The following ASAP1 variants were observed in gnomAD, a reference collection of about 807,000 sequenced individuals.
The protein encoded by ASAP1 is ArfGAP with SH3 domain, ankyrin repeat and PH domain 1, also known as arf-GAP with SH3 domain, ANK repeat and PH domain-containing protein 1.
A neutral mutation model predicts 145.2 loss-of-function variants in ASAP1; 43 were observed. The ratio of observed to expected loss-of-function variants is 0.30; its 90% CI spans 0.23 to 0.38. The LOEUF (loss-of-function observed/expected upper bound fraction) is 0.38. Among genes scored for constraint, ASAP1 ranks in the 10% least tolerant of loss-of-function variants. The pLI, the probability that ASAP1 is intolerant of heterozygous loss-of-function variation, is 1.00. For synonymous variants in ASAP1, 546 were observed against 515.5 expected, an observed-to-expected ratio of 1.06 and a Z score of -0.80; for missense variants, 1,018 against 1,355.3, an observed-to-expected ratio of 0.75 and a Z score of 3.91.
chr8:130,326,254 C>T (rs761343379), intron 3 of ASAP1, among the ~76,000 whole-genome samples: 18 of 152,182 alleles, frequency 1.2e-4, no homozygotes, highest in African/African-American at 2.7e-4. Flanking sequence ...AGCATGCTCA[C>T]GTACAAAAGA....
intron 1 of ASAP1, among the ~76,000 whole-genome samples, chr8:130,426,425 A>AG (rs747872405): frequency 6.6e-6 from 1 of 151,496 alleles, no homozygotes; most frequent in Non-Finnish European, 1.5e-5. Flanking sequence ...AAAAAAAAAA[A>AG]GGGTAAGCCA....
intron 3 of ASAP1, among the ~76,000 whole-genome samples, chr8:130,283,437 G>A (rs888720027): frequency 2.6e-5 from 4 of 151,948 alleles, no homozygotes; most frequent in Admixed American, 1.3e-4. Flanking sequence ...AAGTAGCTGC[G>A]CATGGTGGCA....
chr8:130,236,982 C>A lies in ASAP1; in HGVS notation c.199G>T (p.Asp67Tyr). The change falls in exon 4 of 30, where the codon GAT (aspartate) becomes TAT (tyrosine). Residue 67 changes from aspartate to tyrosine, a missense_variant. Transcript: ENST00000518721. ...TTCACTTTCTGAAGGGCTGTTCTAT[C>A]TTGGTCTAGAGCCTAAAAGAGAAAA... The part of the protein sequence containing the change: ...VTLLEEALDQ[D>Y]RTALQKVKKS... The A allele has an allele frequency of 6.2e-7, 1 of 1,602,688 alleles. No homozygotes were observed. Among genetic ancestry groups the A allele is most frequent in the Non-Finnish European group, 8.5e-7 (1 of 1,174,406 alleles).
intron 18 of ASAP1, among the ~76,000 whole-genome samples, chr8:130,123,460 C>T (rs2097569773): frequency 6.6e-6 from 1 of 152,156 alleles, no homozygotes; most frequent in African/African-American, 2.4e-5. Context: ...CTGTGCTTCA[C>T]AGAGCAGGTG....
chr8:130,145,119 G>A (rs557311815), intron 13 of ASAP1, among the ~76,000 whole-genome samples: 17 of 152,258 alleles, frequency 1.1e-4, no homozygotes, highest in African/African-American at 4.1e-4. Context: ...CTGCAAATAT[G>A]TATTAAGTAC....
chr8:130,313,607 T>G lies in ASAP1; in HGVS notation c.186+44410A>C, dbSNP rs567581458. On this transcript the variant is annotated intron_variant, in intron 3 of 29. Coordinates refer to ENST00000518721, the MANE Select transcript of ASAP1 (RefSeq NM_018482.4). ...GAAAATGAGAAACTTCTTTTGGCAG[T>G]GGAACACATAATCAACGTCCTCACA... is the stretch of plus-strand genomic sequence containing the variant. Among the ~76,000 whole-genome samples, 12 of 152,288 alleles carry G rather than the reference T, an allele frequency of 7.9e-5. No homozygotes were observed. The South Asian group carries it at 2.5e-3, about 32-fold the overall frequency.
At chr8:130,396,200 G>C (rs1213058356) in intron 2 of ASAP1, among the ~76,000 whole-genome samples, 1 of 152,204 alleles carries the variant, frequency 6.6e-6, no homozygotes, top group Non-Finnish European at 1.5e-5. Flanking sequence ...TCTCTACTAA[G>C]AGACTTGAGC....
In ASAP1 at chr8:130,137,179, C is replaced by T. The variant is rs1050737890; in HGVS notation, c.1081-141G>A. ...ACATTTTCAGCAAAGAAGAAACAGA[C>T]ATCTGAGCATTGTTCCAAGTTTGCT... On this transcript the variant is annotated intron_variant, in intron 13 of 29. Transcript: ENST00000518721. The T allele has an allele frequency of 2.7e-5, 19 of 707,708 alleles. No homozygotes were observed. In the African/African-American group the frequency reaches 3.0e-4, roughly 11 times the overall value. The allele number at this position is 707,708 out of a possible 1,614,324, so 43.8% of individuals were successfully genotyped here. A position where few individuals can be genotyped will look rare whatever the true frequency, so the allele number is the denominator to read the frequency against.
chr8:130,277,395 G>A (rs1425117532), intron 3 of ASAP1, among the ~76,000 whole-genome samples: 1 of 152,168 alleles, frequency 6.6e-6, no homozygotes, highest in African/African-American at 2.4e-5. Flanking sequence ...GACAACAAAA[G>A]ATGAAGCAGA....
chr8:130,221,112 TG>T (rs1817269012), intron 4 of ASAP1, among the ~76,000 whole-genome samples: 1 of 152,154 alleles, frequency 6.6e-6, no homozygotes, highest in Non-Finnish European at 1.5e-5. Context: ...TATGAGCCTG[TG>T]GTCCCAGCTA....
At chr8:130,365,142 G>A (rs551551402) in intron 2 of ASAP1, among the ~76,000 whole-genome samples, 1 of 152,266 alleles carries the variant, frequency 6.6e-6, no homozygotes, top group South Asian at 2.1e-4. Context: ...CCCAGGCTTG[G>A]CCTTTTACAA....
chr8:130,276,721 C>T (rs910917171), intron 3 of ASAP1, among the ~76,000 whole-genome samples: 3 of 138,046 alleles, frequency 2.2e-5, no homozygotes, highest in Non-Finnish European at 3.1e-5. Flanking sequence ...CACACACACA[C>T]ACACACACTC....
intron 2 of ASAP1, among the ~76,000 whole-genome samples, chr8:130,400,062 C>T (rs35229803): frequency 0.32 from 48,825 of 151,878 alleles, 8,662 homozygotes; most frequent in African/African-American, 0.46. Flanking sequence ...TCAGGTGATC[C>T]GCCCACCTCG....
chr8:130,302,913 C>T (rs115207497), intron 3 of ASAP1, among the ~76,000 whole-genome samples: 135 of 152,270 alleles, frequency 8.9e-4, no homozygotes, highest in African/African-American at 2.9e-3. Context: ...TCCTTCTTTG[C>T]TGTTTCTACA....
chr8:130,145,659 T>C (rs1277866865), intron 13 of ASAP1, among the ~76,000 whole-genome samples: 1 of 152,172 alleles, frequency 6.6e-6, no homozygotes, highest in African/African-American at 2.4e-5. Context: ...CAGCATTTAC[T>C]CATGCTGGGC....
At chr8:130,326,767 A>G (rs1359698812) in intron 3 of ASAP1, among the ~76,000 whole-genome samples, 1 of 152,244 alleles carries the variant, frequency 6.6e-6, no homozygotes, top group East Asian at 1.9e-4. Context: ...CCCAACATTT[A>G]AAAGCAAAGC....
At chr8:130,155,958 A>G (rs1331643567) in intron 12 of ASAP1, among the ~76,000 whole-genome samples, 2 of 152,172 alleles carry the variant, frequency 1.3e-5, no homozygotes, top group Admixed American at 6.5e-5. Flanking sequence ...TCCCAGCGCG[A>G]TCTCTAGCTA....
intron 4 of ASAP1, among the ~76,000 whole-genome samples, chr8:130,222,881 T>G (rs539582256): frequency 2.0e-5 from 3 of 152,308 alleles, no homozygotes; most frequent in East Asian, 1.9e-4. Flanking sequence ...CTAACTAGTG[T>G]ACTTGGTAAA....
chr8:130,180,084 AAG>A (rs1814252098), intron 8 of ASAP1, among the ~76,000 whole-genome samples: 1 of 150,422 alleles, frequency 6.6e-6, no homozygotes, highest in South Asian at 2.2e-4. Flanking sequence ...GGAAGGGGGA[AAG>A]AGAAAGAGAA....
Sources: allele counts gnomAD v4.1 joint callset (sites outside exome capture counted in the v4.1 genomes callset), GRCh38; gene constraint gnomAD v4.1.1; transcripts MANE v1.5; gene names NCBI Gene and HGNC (gene_info 2026-07-23, HGNC 2026-07-21).